The following PELI1 variants were observed in gnomAD, a reference collection of about 807,000 sequenced individuals.
The protein encoded by PELI1 is E3 ubiquitin-protein ligase pellino homolog 1.
Under a neutral mutation model 41.3 loss-of-function variants are expected in PELI1, and 15 were observed. That is an observed-to-expected ratio of 0.36 (90% confidence interval 0.24 to 0.56). The LOEUF (loss-of-function observed/expected upper bound fraction) is 0.56, where lower values mean the gene tolerates loss of function less well. Ranked by LOEUF, PELI1 falls within the 20% of genes least tolerant of loss-of-function variation. The pLI is 0.82. For missense variants in PELI1, 403 were observed against 525.5 expected, an observed-to-expected ratio of 0.77 and a Z score of 2.28; for synonymous variants, 178 against 180.1, an observed-to-expected ratio of 0.99 and a Z score of 0.09.
chr2:64,120,469 G>A (rs988251041), intron 1 of PELI1, among the ~76,000 whole-genome samples: 3 of 152,196 alleles, frequency 2.0e-5, no homozygotes, highest in Non-Finnish European at 4.4e-5. Context: ...GCAAATCATC[G>A]ATAATCTCCA....
chr2:64,122,085 A>G (rs1333408416), intron 1 of PELI1, among the ~76,000 whole-genome samples: 1 of 152,016 alleles, frequency 6.6e-6, no homozygotes, highest in Non-Finnish European at 1.5e-5. Flanking sequence ...ATGATGTTTA[A>G]TTAATAACAT....
intron 1 of PELI1, among the ~76,000 whole-genome samples, chr2:64,115,307 A>C (rs1405649766): frequency 6.6e-6 from 1 of 152,202 alleles, no homozygotes; most frequent in Non-Finnish European, 1.5e-5. Context: ...TAAGGGGCCC[A>C]TATTTAGAAA....
intron 1 of PELI1, among the ~76,000 whole-genome samples, chr2:64,114,549 A>G (rs1398936312): frequency 6.6e-6 from 1 of 152,068 alleles, no homozygotes; most frequent in African/African-American, 2.4e-5. Flanking sequence ...GTAAATTCCC[A>G]CCCTCCTCTC....
rs1248887728 is a variant in PELI1, at chr2:64,094,593, C to T, written c.*109G>A. The T allele has an allele frequency of 2.0e-5, 13 of 660,436 alleles. No individual in the cohort carries two copies. Among genetic ancestry groups the T allele is most frequent in the Non-Finnish European group, 1.5e-5 (6 of 394,612 alleles). The allele number at this position is 660,436 out of a possible 1,614,324, so 40.9% of individuals were successfully genotyped here. On this transcript the variant is annotated 3_prime_UTR_variant, in exon 7 of 7. Transcript: ENST00000358912. The stretch of plus-strand genomic sequence containing the variant: ...ATAAATGTTTTAAAAAATTCTTCAT[C>T]TTAATGCAAATGACCAGAGCAGAAA...
intron 1 of PELI1, among the ~76,000 whole-genome samples, chr2:64,129,420 G>A (rs1027830782): frequency 2.6e-5 from 4 of 152,146 alleles, no homozygotes; most frequent in Non-Finnish European, 5.9e-5. Context: ...ACGAGGCTCA[G>A]AATACCATAA....
chr2:64,122,822 T>C lies in PELI1; in HGVS notation c.-69-14443A>G, dbSNP rs368212972. Among the ~76,000 whole-genome samples, 3 of 152,296 alleles carry C rather than the reference T, an allele frequency of 2.0e-5. No homozygotes were observed. The South Asian group carries it at 6.2e-4, about 32-fold the overall frequency. Reference sequence around the variant, plus strand: ...TTTCAACAAGGTTTAAGAAGAAAAATAATCACTGTATTACTGTATTATATA... The same window carrying C: ...TTTCAACAAGGTTTAAGAAGAAAAACAATCACTGTATTACTGTATTATATA... On this transcript the variant is annotated intron_variant, in intron 1 of 6. Coordinates refer to ENST00000358912, the MANE Select transcript of PELI1 (RefSeq NM_020651.4).
chr2:64,102,019 G>T (rs576914966), intron 3 of PELI1, among the ~76,000 whole-genome samples: 1 of 151,970 alleles, frequency 6.6e-6, no homozygotes, highest in African/African-American at 2.4e-5. Flanking sequence ...TAGAGACGGG[G>T]TTTTGCCATG....
At chr2:64,103,754 AT>A (rs1680525068) in intron 3 of PELI1, among the ~76,000 whole-genome samples, 1 of 152,162 alleles carries the variant, frequency 6.6e-6, no homozygotes, top group Non-Finnish European at 1.5e-5. Flanking sequence ...TCATATGCCA[AT>A]TTTTCTGTCT....
chr2:64,142,593 A>T (rs1417878052), intron 1 of PELI1, among the ~76,000 whole-genome samples: 5 of 152,042 alleles, frequency 3.3e-5, no homozygotes, highest in Non-Finnish European at 5.9e-5. Context: ...TGGTATAAAT[A>T]AAAAAAACAA....
intron 3 of PELI1, among the ~76,000 whole-genome samples, chr2:64,101,350 A>G (rs1382478847): frequency 6.6e-6 from 1 of 152,052 alleles, no homozygotes; most frequent in Non-Finnish European, 1.5e-5. Flanking sequence ...AACAAAAGAA[A>G]CATTCATAGA....
At chr2:64,122,362 C>T (rs1681253343) in intron 1 of PELI1, among the ~76,000 whole-genome samples, 1 of 137,558 alleles carries the variant, frequency 7.3e-6, no homozygotes, top group South Asian at 2.4e-4. Flanking sequence ...AAAAAAAAAA[C>T]TCCAGAAAAA....
intron 1 of PELI1, among the ~76,000 whole-genome samples, chr2:64,118,459 T>C (rs966757586): frequency 1.3e-5 from 2 of 152,152 alleles, no homozygotes; most frequent in African/African-American, 2.4e-5. Context: ...AGAAATCAGA[T>C]TAAGCTTTTC....
intron 1 of PELI1, among the ~76,000 whole-genome samples, chr2:64,110,687 A>C (rs1680782278): frequency 6.6e-6 from 1 of 152,012 alleles, no homozygotes; most frequent in Admixed American, 6.6e-5. Context: ...ATAGTTCAGA[A>C]AGGCCAAGGT....
chr2:64,132,353 T>C (rs758456892), intron 1 of PELI1, among the ~76,000 whole-genome samples: 3 of 152,198 alleles, frequency 2.0e-5, no homozygotes, highest in East Asian at 1.9e-4. Context: ...CCAAGTATAA[T>C]GCAAATATTC....
intron 1 of PELI1, among the ~76,000 whole-genome samples, chr2:64,116,860 C>T (rs184677777): frequency 6.6e-6 from 1 of 152,304 alleles, no homozygotes; most frequent in African/African-American, 2.4e-5. Flanking sequence ...CATGTGCTCA[C>T]TTCATGTCTG....
chr2:64,133,580 G>C lies in PELI1; in HGVS notation c.-70+10501C>G, dbSNP rs1345030170. On this transcript the variant is annotated intron_variant, in intron 1 of 6. Transcript: ENST00000358912. The stretch of plus-strand genomic sequence containing the variant: ...GGTTCCAAAGAGGGTGTGAGTGATG[G>C]AGTTACTGACCTTGTAAAGATAAGG... Among the ~76,000 whole-genome samples, 3 of 151,992 alleles carry C rather than the reference G, an allele frequency of 2.0e-5. 1 individual carries two copies. The highest frequency in any genetic ancestry group is 4.4e-5 in the Non-Finnish European group (3 of 67,956).
chr2:64,133,409 A>G (rs181235791), intron 1 of PELI1, among the ~76,000 whole-genome samples: 3 of 152,264 alleles, frequency 2.0e-5, no homozygotes, highest in African/African-American at 7.2e-5. Flanking sequence ...AAGAGACCCA[A>G]TATAGCTGAG....
intron 1 of PELI1, among the ~76,000 whole-genome samples, chr2:64,116,357 T>C (rs990273688): frequency 4.6e-5 from 7 of 152,230 alleles, no homozygotes; most frequent in African/African-American, 1.7e-4. Context: ...AAAGCAAGAC[T>C]AGAAAGTCCT....
intron 3 of PELI1, among the ~76,000 whole-genome samples, chr2:64,103,008 AT>A (rs1045594720): frequency 2.6e-5 from 4 of 151,876 alleles, no homozygotes; most frequent in Non-Finnish European, 4.4e-5. Flanking sequence ...CGCTTGGCTA[AT>A]TTTTTGTATT....
Sources: allele counts gnomAD v4.1 joint callset (sites outside exome capture counted in the v4.1 genomes callset), GRCh38; gene constraint gnomAD v4.1.1; transcripts MANE v1.5; gene names NCBI Gene and HGNC (gene_info 2026-07-23, HGNC 2026-07-21).